ZNF225: variants seen among roughly 807,000 people sequenced by gnomAD.
ZNF225 encodes the protein zinc finger protein 225.
A neutral mutation model predicts 12.0 loss-of-function variants in ZNF225; 6 were observed. The ratio of observed to expected loss-of-function variants is 0.50; its 90% confidence interval spans 0.27 to 0.98. ZNF225 has a LOEUF of 0.98. Among genes scored for constraint, ZNF225 ranks in the 50% least tolerant of loss-of-function variants. The pLI is 0.11. For missense variants in ZNF225, 763 were observed against 848.2 expected, an observed-to-expected ratio of 0.90 and a Z score of 1.25; for synonymous variants, 271 against 283.2, an observed-to-expected ratio of 0.96 and a Z score of 0.43.
intron 1 of ZNF225, chr19:44,114,220 G>A: frequency 3.0e-6 from 3 of 1,007,188 alleles, no homozygotes; most frequent in Non-Finnish European, 4.7e-6. Context: ...CTACGTGAGT[G>A]ATCCTTGGCT....
At chr19:44,123,943 C>T (rs527289499) in intron 4 of ZNF225, among the ~76,000 whole-genome samples, 2 of 152,042 alleles carry the variant, frequency 1.3e-5, no homozygotes, top group Non-Finnish European at 2.9e-5. Context: ...AAAGAACCAG[C>T]TTTTTGTTTC....
chr19:44,131,063 G>A lies in ZNF225; in HGVS notation c.449G>A (p.Gly150Asp), dbSNP rs1968242858. 3 of 1,614,054 alleles carry A rather than the reference G, an allele frequency of 1.9e-6. No homozygotes were observed. The highest frequency in any genetic ancestry group is 1.6e-4 in the Middle Eastern group (1 of 6,062). The change falls in exon 5 of 5, where the codon GGT becomes GAT. Residue 150 changes from glycine (G) to aspartate (D), a missense_variant. Gly to Asp is a moderately conservative substitution (Grantham distance 94, BLOSUM62 -1). Transcript: ENST00000262894. ...CACGTAAGACAGAAACCTTCTGAGG[G>A]TAGGACGTGTAAAAAGTCCTTTAGT... ...IIHVRQKPSE[G>D]RTCKKSFSDV...
rs140439767 is a variant in ZNF225 at position 44,119,383 on chromosome 19, G to A, written c.235+809G>A. ...GTTCTTTAGGCCTGAAGTCTGACAC[G>A]TCTCACCGGACAATTATCAAGCTGT... On this transcript the variant is annotated intron_variant, in intron 4 of 4. Coordinates refer to ENST00000262894, the MANE Select transcript of ZNF225 (RefSeq NM_013362.4). Among the ~76,000 whole-genome samples, 43 of 152,264 alleles carry A rather than the reference G, an allele frequency of 2.8e-4. No homozygotes were observed. In the East Asian group the frequency reaches 7.0e-3, roughly 25 times the overall value.
At chr19:44,112,793 T>A (rs981482439), upstream of ZNF225, 1 of 152,200 alleles carries the variant, frequency 6.6e-6, no homozygotes, top group Admixed American at 6.5e-5. Context: ...AAATACAAAT[T>A]AAAACTACAT....
In ZNF225 at chr19:44,133,807, T is replaced by TAGATTTGATTTTTATAATCAAATCTACC. The variant is rs1568544487; in HGVS notation, c.*1075_*1076insTTTGATTTTTATAATCAAATCTACCAGA. 21 of 141,446 alleles carry TAGATTTGATTTTTATAATCAAATCTACC rather than the reference T, an allele frequency of 1.5e-4. 1 individual carries two copies. Among genetic ancestry groups the TAGATTTGATTTTTATAATCAAATCTACC allele is most frequent in the African/African-American group, 5.1e-4 (19 of 37,496 alleles). 8.8% of individuals were successfully genotyped at this position (141,446 alleles called of 1,614,324 possible). A position where few individuals can be genotyped will look rare whatever the true frequency, so the allele number is the denominator to read the frequency against. ...ATTTGATTTTTATAATCAAATCTAC[T>TAGATTTGATTTTTATAATCAAATCTACC]AGAGATAGATTTGATTTTTATAATC... On this transcript the variant is annotated 3_prime_UTR_variant, in exon 5 of 5. Coordinates refer to ENST00000262894, the MANE Select transcript of ZNF225 (RefSeq NM_013362.4).
chr19:44,121,345 G>C (rs1968052872), intron 4 of ZNF225, among the ~76,000 whole-genome samples: 1 of 152,180 alleles, frequency 6.6e-6, no homozygotes. Flanking sequence ...TTATGGCTGA[G>C]TAGTATTCCA....
rs760877576 is a variant in ZNF225, at chr19:44,132,612, C to A, written c.1998C>A (p.Cys666Ter). 1 of 1,613,696 alleles carries A rather than the reference C, an allele frequency of 6.2e-7. No individual in the cohort carries two copies. Among genetic ancestry groups the A allele is most frequent in the Non-Finnish European group, 8.5e-7 (1 of 1,179,894 alleles). Reference sequence around the variant, plus strand: ...GGAAGAGCATTGTGCACAGTTCATGCCTTAAAGACCAACAAAGAGACCAAA... The same window carrying A: ...GGAAGAGCATTGTGCACAGTTCATGACTTAAAGACCAACAAAGAGACCAAA... ...DCGKSIVHSSCLKDQQRDQSG... is the reference protein window; with the variant it reads ...DCGKSIVHSS Residue 666 changes from cysteine (C) to a stop codon, truncating the protein, a stop_gained, in exon 5 of 5, where the codon TGC becomes TGA. Coordinates refer to ENST00000262894, the MANE Select transcript of ZNF225 (RefSeq NM_013362.4). LOFTEE classifies it low-confidence loss of function (END_TRUNC).
In ZNF225 at chr19:44,132,820, C is replaced by A; in HGVS notation, c.*85C>A. ...GATCAAATCAGTGTAATTAACATACCTATCACCTCAAACATTTATCATTTA... is the reference window on the plus strand; with the variant it reads ...GATCAAATCAGTGTAATTAACATACATATCACCTCAAACATTTATCATTTA... On this transcript the variant is annotated 3_prime_UTR_variant, in exon 5 of 5. Transcript: ENST00000262894. 1 of 1,134,798 alleles carries A rather than the reference C, an allele frequency of 8.8e-7. No homozygotes were observed. Among genetic ancestry groups the A allele is most frequent in the Non-Finnish European group, 1.2e-6 (1 of 818,396 alleles). The allele number at this position is 1,134,798 out of a possible 1,614,324, so 70.3% of individuals were successfully genotyped here.
intron 4 of ZNF225, among the ~76,000 whole-genome samples, chr19:44,125,079 G>A (rs1206212624): frequency 6.6e-6 from 1 of 152,054 alleles, no homozygotes; most frequent in African/African-American, 2.4e-5. Context: ...GTGTACTTTG[G>A]TTTTTGTATT....
In ZNF225 at chr19:44,131,799, T is replaced by C. The variant is rs924802288; in HGVS notation, c.1185T>C (p.Ser395=). The change falls in exon 5 of 5, where the codon AGT becomes AGC. Residue 395 remains serine (S), a synonymous_variant. Transcript: ENST00000262894. The part of the protein sequence containing the change: ...SGLSRHVRVH[S]GETTFKCEEC... ...TTTCAAGACATGTGCGAGTCCACAG[T>C]GGAGAGACAACATTCAAATGTGAAG... The C allele has an allele frequency of 4.3e-6, 7 of 1,614,016 alleles. No individual in the cohort carries two copies. Among genetic ancestry groups the C allele is most frequent in the Admixed American group, 1.7e-5 (1 of 60,006 alleles).
chr19:44,131,010 C>A lies in ZNF225; in HGVS notation c.396C>A (p.Cys132Ter). 6.2e-7 allele frequency: 1 copy of A among 1,613,988 alleles called. No homozygotes were observed. The highest frequency in any genetic ancestry group is 8.5e-7 in the Non-Finnish European group (1 of 1,179,910). Residue 132 changes from cysteine (C) to a stop codon, truncating the protein, a stop_gained, in exon 5 of 5, where the codon TGC (cysteine) becomes TGA (stop). Coordinates refer to ENST00000262894, the MANE Select transcript of ZNF225 (RefSeq NM_013362.4). LOFTEE classifies it low-confidence loss of function (END_TRUNC). ...FQFSKQDDMP[C>*]QVDAGLSIIH... ...TCTCCAAACAAGATGATATGCCCTG[C>A]CAGGTTGATGCAGGACTATCTATAA...
rs759185538 is a variant in ZNF225, at chr19:44,132,124, A to T, written c.1510A>T (p.Arg504Ter). 4.3e-6 allele frequency: 7 copies of T among 1,614,080 alleles called. No homozygotes were observed. The highest frequency in any genetic ancestry group is 1.3e-5 in the African/African-American group (1 of 75,042). Residue 504 changes from arginine to a stop codon, truncating the protein, a stop_gained, in exon 5 of 5, where the codon AGA becomes TGA. Coordinates refer to ENST00000262894, the MANE Select transcript of ZNF225 (RefSeq NM_013362.4). LOFTEE classifies it low-confidence loss of function (END_TRUNC). ...TQNSQLYTHR[R>*]VHSGEKPFKC... Reference sequence around the variant, plus strand: ...GAATTCACAACTTTATACCCATCGTAGAGTCCACAGTGGAGAAAAACCATT... The same window carrying T: ...GAATTCACAACTTTATACCCATCGTTGAGTCCACAGTGGAGAAAAACCATT...
intron 3 of ZNF225, 81 bp downstream of exon 3, chr19:44,118,395 A>T (rs558322207): frequency 4.3e-6 from 7 of 1,610,888 alleles, no homozygotes; most frequent in Middle Eastern, 1.7e-4. Flanking sequence ...TTGAGTATGC[A>T]TTGGGAACCT....
rs183264537 is a variant in ZNF225, at chr19:44,132,312, A to T, written c.1698A>T (p.Arg566Ser). Residue 566 changes from arginine (R) to serine (S), a missense_variant, in exon 5 of 5, where the codon AGA (arginine) becomes AGT (serine). Transcript: ENST00000262894. The stretch of plus-strand genomic sequence containing the variant: ...ACCAGAGGGTCCACACCGGAGAGAG[A>T]CCTTATAATTGTAAAGAATGTGGGA... ...DMHQRVHTGE[R>S]PYNCKECGKS... 2.2e-3 allele frequency: 3,477 copies of T among 1,613,912 alleles called. 47 individuals are homozygous for T. The South Asian group carries it at 0.023, about 11-fold the overall frequency.
intron 4 of ZNF225, among the ~76,000 whole-genome samples, chr19:44,124,859 G>A (rs1250162647): frequency 6.6e-6 from 1 of 152,046 alleles, no homozygotes; most frequent in African/African-American, 2.4e-5. Context: ...GTGTCCATTT[G>A]CATAAAATGC....
chr19:44,119,405 C>T (rs1401825598), intron 4 of ZNF225, among the ~76,000 whole-genome samples: 1 of 152,210 alleles, frequency 6.6e-6, no homozygotes, highest in Non-Finnish European at 1.5e-5. Flanking sequence ...AATTATCAAG[C>T]TGTCTGTAGG....
rs1968250628 is a variant in ZNF225 at position 44,131,245 on chromosome 19, A to G, written c.631A>G (p.Lys211Glu). 1 of 1,614,110 alleles carries G rather than the reference A, an allele frequency of 6.2e-7. No individual in the cohort carries two copies. The highest frequency in any genetic ancestry group is 8.5e-7 in the Non-Finnish European group (1 of 1,180,052). The change falls in exon 5 of 5, where the codon AAG becomes GAG. Residue 211 changes from lysine to glutamate, a missense_variant. Lys to Glu is a moderately conservative substitution (Grantham distance 56). Transcript: ENST00000262894. Reference sequence around the variant, plus strand: ...ACTCTATAATTGTGATGTGTGTGGTAAGGAATTCAATCAGAGCTCACATCT... The same window carrying G: ...ACTCTATAATTGTGATGTGTGTGGTGAGGAATTCAATCAGAGCTCACATCT... ...EKLYNCDVCG[K>E]EFNQSSHLQI...
At position 44,132,581 on chromosome 19, in the gene ZNF225, A is replaced by G. The variant is rs756224147; in HGVS notation, c.1967A>G (p.Asp656Gly). Residue 656 changes from aspartate to glycine, a missense_variant, in exon 5 of 5, where the codon GAC becomes GGC. Coordinates refer to ENST00000262894, the MANE Select transcript of ZNF225 (RefSeq NM_013362.4). Reference protein sequence around the residue: ...HSREKLLQCEDCGKSIVHSSC... With the variant: ...HSREKLLQCEGCGKSIVHSSC... ...AGAGAAAAACTACTTCAATGTGAGG[A>G]CTGTGGGAAGAGCATTGTGCACAGT... is the stretch of plus-strand genomic sequence containing the variant. 6.2e-6 allele frequency: 10 copies of G among 1,614,188 alleles called. No homozygotes were observed. Among genetic ancestry groups the G allele is most frequent in the Non-Finnish European group, 5.9e-6 (7 of 1,179,998 alleles).
intron 4 of ZNF225, among the ~76,000 whole-genome samples, chr19:44,119,224 C>G (rs941833192): frequency 1.3e-5 from 2 of 152,184 alleles, no homozygotes; most frequent in Admixed American, 6.5e-5. Flanking sequence ...TGTCCTCTCC[C>G]TTTTGCCTTG....
Sources: gnomAD v4.1 joint callset for allele counts (sites outside exome capture counted in the v4.1 genomes callset) on GRCh38, gnomAD v4.1.1 for gene constraint, MANE v1.5 for transcripts, NCBI Gene and HGNC (gene_info 2026-07-23, HGNC 2026-07-21) for gene names.